Variants in MAGI1 observed in about 807,000 individuals in gnomAD.
The protein encoded by MAGI1 is membrane-associated guanylate kinase, WW and PDZ domain-containing protein 1.
MAGI1 carries 58 observed loss-of-function variants against 139.9 expected under a neutral mutation model. The ratio of observed to expected loss-of-function variants is 0.41; its 90% CI spans 0.34 to 0.52. The LOEUF is 0.52. Ranked by LOEUF, MAGI1 falls within the 20% of genes least tolerant of loss-of-function variation. MAGI1 has a pLI of 0.12. For missense variants in MAGI1, 1,874 were observed against 1,901.6 expected, an observed-to-expected ratio of 0.99 and a Z score of 0.27; for synonymous variants, 812 against 737.9, an observed-to-expected ratio of 1.10 and a Z score of -1.63.
chr3:65,436,624 G>C (rs1345119353), intron 10 of MAGI1, among the ~76,000 whole-genome samples: 1 of 152,168 alleles, frequency 6.6e-6, no homozygotes, highest in African/African-American at 2.4e-5. Flanking sequence ...ATGTTGGCTA[G>C]ACTCTTGAAA....
intron 1 of MAGI1, among the ~76,000 whole-genome samples, chr3:65,958,986 CAA>C (rs112469055): frequency 1.5e-5 from 2 of 130,294 alleles, no homozygotes; most frequent in Admixed American, 7.8e-5. Flanking sequence ...GACTGTAACT[CAA>C]AAAAAAAAAA....
chr3:65,728,942 C>T (rs2033894530), intron 1 of MAGI1, among the ~76,000 whole-genome samples: 1 of 152,034 alleles, frequency 6.6e-6, no homozygotes, highest in African/African-American at 2.4e-5. Context: ...TGATCATTTA[C>T]TGTGTTTAAT....
At chr3:65,885,877 A>G (rs2060512010) in intron 1 of MAGI1, among the ~76,000 whole-genome samples, 1 of 152,212 alleles carries the variant, frequency 6.6e-6, no homozygotes, top group Non-Finnish European at 1.5e-5. Context: ...TATACAATAA[A>G]TGCTCATGTG....
chr3:65,395,636 C>CAAAAAAAAAAAAAA lies in MAGI1; in HGVS notation c.2200-4292_2200-4279dup, dbSNP rs58806140. On this transcript the variant is annotated intron_variant, in intron 13 of 22. Transcript: ENST00000402939. Reference sequence around the variant, plus strand: ...TGGGTGACAGAGCGAGACTCCATCTCAAAAAAAAAAAAAAAAAAAAAGAGG... The same window carrying CAAAAAAAAAAAAAA: ...TGGGTGACAGAGCGAGACTCCATCTCAAAAAAAAAAAAAAAAAAAAAAAAAAAAAAAAAAAGAGG... Among the ~76,000 whole-genome samples, 189 of 19,154 alleles carry CAAAAAAAAAAAAAA rather than the reference C, an allele frequency of 9.9e-3. 45 individuals carry two copies. Among genetic ancestry groups the CAAAAAAAAAAAAAA allele is most frequent in the East Asian group, 0.058 (39 of 668 alleles). 12.6% of individuals were successfully genotyped at this position (19,154 alleles called of 152,430 possible). A position where few individuals can be genotyped will look rare whatever the true frequency, so the allele number is the denominator to read the frequency against.
At chr3:65,398,893 G>T (rs553844678) in intron 13 of MAGI1, among the ~76,000 whole-genome samples, 4 of 152,110 alleles carry the variant, frequency 2.6e-5, no homozygotes, top group Non-Finnish European at 5.9e-5. Context: ...AGGTGAAATT[G>T]CTTATTAAGA....
intron 1 of MAGI1, among the ~76,000 whole-genome samples, chr3:65,698,970 C>A: frequency 2.2e-5 from 3 of 133,798 alleles, no homozygotes; most frequent in African/African-American, 6.0e-5. Context: ...TTTTCGCAAC[C>A]TACTCATCTG....
At chr3:65,675,889 T>C (rs911169204) in intron 1 of MAGI1, among the ~76,000 whole-genome samples, 2 of 152,218 alleles carry the variant, frequency 1.3e-5, no homozygotes, top group Admixed American at 6.5e-5. Context: ...TGAGAAATGC[T>C]AGAGCACAAA....
At chr3:65,712,574 G>A (rs1025593955) in intron 1 of MAGI1, among the ~76,000 whole-genome samples, 40 of 151,968 alleles carry the variant, frequency 2.6e-4, no homozygotes, top group African/African-American at 8.0e-4. Context: ...GTGCAGCAGC[G>A]TGATCTCAGC....
At chr3:65,381,617 T>C (rs1014912739) in intron 16 of MAGI1, among the ~76,000 whole-genome samples, 3 of 152,216 alleles carry the variant, frequency 2.0e-5, no homozygotes, top group East Asian at 1.9e-4. Context: ...TGCAAGGAGA[T>C]AGAAGGGAAG....
intron 1 of MAGI1, among the ~76,000 whole-genome samples, chr3:65,660,922 C>T (rs924258890): frequency 2.6e-5 from 4 of 152,108 alleles, no homozygotes; most frequent in African/African-American, 9.7e-5. Context: ...AAATGCATCA[C>T]GTTCAAGCAA....
intron 1 of MAGI1, among the ~76,000 whole-genome samples, chr3:65,741,354 T>C (rs1158105247): frequency 6.6e-6 from 1 of 152,066 alleles, no homozygotes; most frequent in Non-Finnish European, 1.5e-5. Flanking sequence ...TTTTGTATTT[T>C]TAGTAGAGAC....
intron 2 of MAGI1, among the ~76,000 whole-genome samples, chr3:65,605,733 T>C (rs1341753347): frequency 3.3e-5 from 5 of 152,218 alleles, no homozygotes; most frequent in African/African-American, 1.2e-4. Context: ...GTGTGCCTTA[T>C]ATTAGTAAAG....
chr3:65,950,052 AAAAAAACAAAAAAAC>A lies in MAGI1; in HGVS notation c.313+87929_313+87943del, dbSNP rs2063726846. 1.1e-4 allele frequency among the ~76,000 whole-genome samples: 4 copies of A among 35,356 alleles called. No homozygotes were observed. In the East Asian group the frequency reaches 2.0e-3, roughly 18 times the overall value. 23.2% of individuals were successfully genotyped at this position (35,356 alleles called of 152,430 possible). A position where few individuals can be genotyped will look rare whatever the true frequency, so the allele number is the denominator to read the frequency against. Reference sequence around the variant, plus strand: ...CAACAGAGCCAGATCATCAAAAAAAAAAAAAACAAAAAAACAAAAAAAAAACAAAAAAAAAAACAA... The same window carrying A: ...CAACAGAGCCAGATCATCAAAAAAAAAAAAAAAAAACAAAAAAAAAAACAA... On this transcript the variant is annotated intron_variant, in intron 1 of 22. Coordinates refer to ENST00000402939, the MANE Select transcript of MAGI1 (RefSeq NM_001033057.2).
chr3:65,832,094 TTCAGAGCACCTTTC>T (rs1208192734), intron 1 of MAGI1, among the ~76,000 whole-genome samples: 1 of 152,216 alleles, frequency 6.6e-6, no homozygotes, highest in Non-Finnish European at 1.5e-5. Context: ...AGCCCTCTTT[TTCAGAGCACCTTTC>T]TCTTGACTGC....
intron 1 of MAGI1, among the ~76,000 whole-genome samples, chr3:65,756,637 G>A (rs1272618844): frequency 6.6e-6 from 1 of 152,074 alleles, no homozygotes; most frequent in African/African-American, 2.4e-5. Flanking sequence ...TTTGCCAACT[G>A]TACACACTCT....
intron 2 of MAGI1, among the ~76,000 whole-genome samples, chr3:65,593,549 T>C (rs1261675617): frequency 2.0e-5 from 3 of 152,248 alleles, no homozygotes; most frequent in Non-Finnish European, 4.4e-5. Context: ...ATATGTATCA[T>C]TAAATACAAA....
At chr3:65,950,401 A>G (rs75874426) in intron 1 of MAGI1, among the ~76,000 whole-genome samples, 1,727 of 152,196 alleles carry the variant, frequency 0.011, 16 homozygotes, top group Non-Finnish European at 0.019. Flanking sequence ...ATATTCTCCC[A>G]TGGCCCCAAA....
At chr3:65,986,009 C>T (rs1281017076) in intron 1 of MAGI1, among the ~76,000 whole-genome samples, 1 of 152,182 alleles carries the variant, frequency 6.6e-6, no homozygotes, top group East Asian at 1.9e-4. Context: ...AGATTCTCTG[C>T]CCTTCATTGG....
intron 12 of MAGI1, among the ~76,000 whole-genome samples, chr3:65,414,638 A>G (rs1224545680): frequency 6.6e-6 from 1 of 152,190 alleles, no homozygotes; most frequent in Non-Finnish European, 1.5e-5. Flanking sequence ...GCAGATTTTG[A>G]AAACATAGAA....
Sources: allele counts gnomAD v4.1 joint callset (sites outside exome capture counted in the v4.1 genomes callset), GRCh38; gene constraint gnomAD v4.1.1; transcripts MANE v1.5; gene names NCBI Gene and HGNC (gene_info 2026-07-23, HGNC 2026-07-21).